ZNF454: variants seen among roughly 807,000 people sequenced by gnomAD.
ZNF454 encodes the protein zinc finger protein 454.
In ZNF454, 30 loss-of-function variants were observed where a neutral mutation model predicts 48.2. That is an observed-to-expected ratio of 0.62 (90% confidence interval 0.47 to 0.84). The LOEUF (loss-of-function observed/expected upper bound fraction) is 0.84. Among genes scored for constraint, ZNF454 ranks in the 40% least tolerant of loss-of-function variants. The probability of loss-of-function intolerance (pLI) is 0.00; values close to 1 mark genes in which losing one functional copy is unlikely to be tolerated. For synonymous variants in ZNF454, 204 were observed against 211.4 expected (o/e 0.97, Z 0.30); for missense variants, 510 against 623.1 (o/e 0.82, Z 1.93).
chr5:178,946,586 G>A lies in ZNF454; in HGVS notation c.160+101G>A, dbSNP rs528051002. 102 of 1,440,630 alleles carry A rather than the reference G, an allele frequency of 7.1e-5. No individual in the cohort carries two copies. The highest frequency in any genetic ancestry group is 1.4e-4 in the African/African-American group (10 of 70,154). 89.2% of individuals were successfully genotyped at this position (1,440,630 alleles called of 1,614,324 possible). A position where few individuals can be genotyped will look rare whatever the true frequency, so the allele number is the denominator to read the frequency against. On this transcript the variant is annotated intron_variant, in intron 3 of 4. Transcript: ENST00000519564. The surrounding 1 kb of genome is among the most constrained non-coding windows in gnomAD (Gnocchi z 4.5). ...AGAGTCGGTTGGACCAACTGAGGAC[G>A]CTGTCTTCAAGGGTGCCATTAATTT...
downstream of ZNF454, among the ~76,000 whole-genome samples, chr5:178,971,182 C>A (rs1406056680): frequency 6.6e-6 from 1 of 152,166 alleles, no homozygotes; most frequent in Non-Finnish European, 1.5e-5. Context: ...CAAATGTACT[C>A]AATATTCCTA....
chr5:178,955,715 G>A (rs1336004466), intron 4 of ZNF454, among the ~76,000 whole-genome samples: 1 of 152,124 alleles, frequency 6.6e-6, no homozygotes, highest in African/African-American at 2.4e-5. Context: ...TTCTCCTTCT[G>A]TTTTCTGGGA....
chr5:178,988,323 G>C, the ZNF454 span, among the ~76,000 whole-genome samples: 2 of 152,218 alleles, frequency 1.3e-5, no homozygotes, highest in African/African-American at 4.8e-5. This position sits in a 1 kb window ranked among gnomAD's most constrained non-coding sequence, Gnocchi z 6.0. Context: ...TTAGCAGAGA[G>C]CATGGCGGAG....
At chr5:178,986,434 A>G in the ZNF454 span, 2 of 1,613,298 alleles carry the variant, frequency 1.2e-6, no homozygotes, top group East Asian at 4.5e-5. Context: ...GTACCGCACG[A>G]AGGTGGCCAC....
At chr5:178,983,589 G>A in the ZNF454 span, 5 of 415,378 alleles carry the variant, frequency 1.2e-5, no homozygotes, top group African/African-American at 6.0e-5. Flanking sequence ...GGATGTGGCC[G>A]GAAGCTCTGG....
chr5:178,971,139 A>G (rs954202005), downstream of ZNF454, among the ~76,000 whole-genome samples: 6 of 152,228 alleles, frequency 3.9e-5, no homozygotes, highest in Non-Finnish European at 8.8e-5. Flanking sequence ...AGTGAGATTG[A>G]GCCAAAAGAG....
At chr5:178,960,082 T>C (rs4700979) in intron 4 of ZNF454, among the ~76,000 whole-genome samples, 42,405 of 150,692 alleles carry the variant, frequency 0.28, 6,784 homozygotes, top group East Asian at 0.44. Flanking sequence ...CCTGAGTAGC[T>C]GGGACTACAG....
chr5:178,985,222 G>T, the ZNF454 span: 29 of 454,556 alleles, frequency 6.4e-5, no homozygotes, highest in Non-Finnish European at 2.7e-5. Context: ...TTCCATATGT[G>T]AGCCAAATTG....
rs928229452 is a variant in ZNF454, at chr5:178,941,681, G to C, written c.-108+237G>C. On this transcript the variant is annotated intron_variant, in intron 1 of 4. Coordinates refer to ENST00000519564, the MANE Select transcript of ZNF454 (RefSeq NM_001178089.3). This position sits in a 1 kb window ranked among gnomAD's most constrained non-coding sequence, Gnocchi z 5.5. ...CGGAGGCAGCCGCTGCGCAGCCCCT[G>C]CCACAGCCCCCGAGGGACCTGGCGA... Among the ~76,000 whole-genome samples, 1 of 151,882 alleles carries C rather than the reference G, an allele frequency of 6.6e-6. No homozygotes were observed. Among genetic ancestry groups the C allele is most frequent in the African/African-American group, 2.4e-5 (1 of 41,204 alleles).
At chr5:178,972,156 A>G in the ZNF454 span, among the ~76,000 whole-genome samples, 1 of 151,766 alleles carries the variant, frequency 6.6e-6, no homozygotes, top group Non-Finnish European at 1.5e-5. Context: ...CTGGTCTCGA[A>G]CTCCTGATGT....
In ZNF454 at chr5:178,946,281, A is replaced by T; in HGVS notation, c.34-78A>T. On this transcript the variant is annotated intron_variant, in intron 2 of 4. Transcript: ENST00000519564. The surrounding 1 kb of genome is among the most constrained non-coding windows in gnomAD (Gnocchi z 4.5). Reference sequence around the variant, plus strand: ...GTCCTGTAAATGCGCACAAGCTCCTAGGGGCTGCCAGTCTCTTTTCCAGAG... The same window carrying T: ...GTCCTGTAAATGCGCACAAGCTCCTTGGGGCTGCCAGTCTCTTTTCCAGAG... 1 of 1,577,816 alleles carries T rather than the reference A, an allele frequency of 6.3e-7. No individual in the cohort carries two copies. The highest frequency in any genetic ancestry group is 1.4e-5 in the African/African-American group (1 of 72,832).
At chr5:178,960,971 G>A (rs562602311) in intron 4 of ZNF454, among the ~76,000 whole-genome samples, 62 of 142,406 alleles carry the variant, frequency 4.4e-4, no homozygotes, top group Non-Finnish European at 7.8e-4. Context: ...TCACTCTGTC[G>A]CCAGGCTGGA....
downstream of ZNF454, among the ~76,000 whole-genome samples, chr5:178,968,569 G>C (rs1760199080): frequency 2.0e-5 from 3 of 152,160 alleles, no homozygotes; most frequent in Admixed American, 6.5e-5. Flanking sequence ...GGTTTCTTGG[G>C]ATTGCTTGTG....
the ZNF454 span, among the ~76,000 whole-genome samples, chr5:178,982,576 C>CAAAAAA: frequency 1.5e-4 from 3 of 20,168 alleles, 1 homozygote; most frequent in Non-Finnish European, 2.3e-4. Flanking sequence ...GACTCTGTCT[C>CAAAAAA]AAAAAAAAAA....
chr5:178,957,745 A>C (rs970519221), intron 4 of ZNF454, among the ~76,000 whole-genome samples: 1 of 152,126 alleles, frequency 6.6e-6, no homozygotes, highest in African/African-American at 2.4e-5. Context: ...GCTCTTTTGT[A>C]CTGCAGGCTA....
intron 4 of ZNF454, among the ~76,000 whole-genome samples, chr5:178,952,193 G>A (rs1409721601): frequency 6.6e-5 from 10 of 152,122 alleles, no homozygotes; most frequent in Non-Finnish European, 7.4e-5. Flanking sequence ...GCCCGCCACT[G>A]CTCCCGGCTA....
chr5:178,984,940 C>T, the ZNF454 span, among the ~76,000 whole-genome samples: 6 of 152,160 alleles, frequency 3.9e-5, no homozygotes, highest in Non-Finnish European at 7.3e-5. Flanking sequence ...CCATCTGTCT[C>T]TCGTACTCTT....
chr5:178,954,382 T>G (rs1330977173), intron 4 of ZNF454, among the ~76,000 whole-genome samples: 1 of 152,218 alleles, frequency 6.6e-6, no homozygotes, highest in East Asian at 1.9e-4. Flanking sequence ...AGTTTTTTTC[T>G]TTTTCTCTTT....
At chr5:178,950,515 C>T (rs569784305) in intron 4 of ZNF454, among the ~76,000 whole-genome samples, 1 of 152,270 alleles carries the variant, frequency 6.6e-6, no homozygotes, top group East Asian at 1.9e-4. Context: ...CACTTTTTTC[C>T]CTTCTCCAAA....
Sources: gnomAD v4.1 joint callset for allele counts (sites outside exome capture counted in the v4.1 genomes callset) on GRCh38, gnomAD v4.1.1 for gene constraint, Gnocchi (gnomAD v3.1) non-coding constraint, MANE v1.5 for transcripts, NCBI Gene and HGNC (gene_info 2026-07-23, HGNC 2026-07-21) for gene names.